RHOA: variants seen among roughly 807,000 people sequenced by gnomAD.
RHOA encodes the protein transforming protein RhoA.
RHOA carries 3 observed loss-of-function variants against 17.5 expected under a neutral mutation model. That is an observed-to-expected ratio of 0.17 (90% CI 0.08 to 0.44). The LOEUF is 0.44. Among genes scored for constraint, RHOA ranks in the 20% least tolerant of loss-of-function variants. The pLI, the probability that RHOA is intolerant of heterozygous loss-of-function variation, is 0.99. For synonymous variants in RHOA, 98 were observed against 88.4 expected (o/e 1.11, Z -0.61); for missense variants, 56 against 242.3 (o/e 0.23, Z 5.10).
intron 2 of RHOA, among the ~76,000 whole-genome samples, chr3:49,369,460 C>T (rs935324364): frequency 2.0e-5 from 3 of 151,624 alleles, no homozygotes; most frequent in Non-Finnish European, 2.9e-5. Context: ...TGGCCAGGCG[C>T]GGTGGCTCAT....
In RHOA at chr3:49,411,851, GCGCCGGGGA is replaced by G. The variant is rs1047404009; in HGVS notation, c.-43_-35del. The G allele has an allele frequency of 6.6e-6, 1 of 152,106 alleles. No individual in the cohort carries two copies. The highest frequency in any genetic ancestry group is 1.5e-5 in the Non-Finnish European group (1 of 68,038). 9.4% of individuals were successfully genotyped at this position (152,106 alleles called of 1,614,324 possible). ...CAACGAATCCGAGTCCAGCCTCTTC[GCGCCGGGGA>G]CGCCGGTCCGCGAGTCGCAAACTCG... On this transcript the variant is annotated 5_prime_UTR_variant, in exon 1 of 5. Transcript: ENST00000418115.
chr3:49,362,004 A>G (rs1201334084), intron 4 of RHOA, among the ~76,000 whole-genome samples: 2 of 152,034 alleles, frequency 1.3e-5, no homozygotes, highest in Middle Eastern at 6.8e-3. Context: ...CCTGGCCAAC[A>G]GGGTGAAACC....
chr3:49,397,410 C>T (rs746796540), intron 1 of RHOA, among the ~76,000 whole-genome samples: 11 of 152,050 alleles, frequency 7.2e-5, no homozygotes, highest in Non-Finnish European at 1.5e-4. Context: ...ACGTAAAACT[C>T]TGTGAATATA....
chr3:49,368,707 CTTT>C (rs374609508), intron 2 of RHOA, among the ~76,000 whole-genome samples, 159 bp from the exon 3 acceptor site: 2 of 130,310 alleles, frequency 1.5e-5, no homozygotes, highest in Admixed American at 7.7e-5. Flanking sequence ...TTTCTTTTTT[CTTT>C]TTTTTTTTTT....
chr3:49,364,853 T>C (rs1239582113), intron 3 of RHOA, among the ~76,000 whole-genome samples: 2 of 151,462 alleles, frequency 1.3e-5, no homozygotes, highest in Non-Finnish European at 2.9e-5. Flanking sequence ...ATGCCTGTAA[T>C]CCCAGCTACT....
intron 1 of RHOA, among the ~76,000 whole-genome samples, chr3:49,376,370 G>A (rs191475974): frequency 9.2e-5 from 14 of 151,884 alleles, no homozygotes; most frequent in Middle Eastern, 3.4e-3. Flanking sequence ...TGAGCCAGGC[G>A]CAGTGGCTCA....
chr3:49,403,064 G>A (rs548734173), intron 1 of RHOA, among the ~76,000 whole-genome samples: 82 of 148,500 alleles, frequency 5.5e-4, no homozygotes, highest in African/African-American at 1.9e-3. Context: ...GAAACCCGCC[G>A]AGCGCGGTGG....
intron 1 of RHOA, among the ~76,000 whole-genome samples, chr3:49,402,295 G>A (rs1205569862): frequency 6.6e-6 from 1 of 152,012 alleles, no homozygotes; most frequent in Non-Finnish European, 1.5e-5. Context: ...AAAGAAAAAT[G>A]AACCATTAGG....
chr3:49,363,055 T>C (rs988889829), intron 3 of RHOA, among the ~76,000 whole-genome samples: 12 of 152,188 alleles, frequency 7.9e-5, no homozygotes, highest in Admixed American at 7.2e-4. Flanking sequence ...CATGTTCTTT[T>C]TCTAACTTGT....
chr3:49,388,218 G>T (rs1390662876), intron 1 of RHOA, among the ~76,000 whole-genome samples: 2 of 151,570 alleles, frequency 1.3e-5, no homozygotes, highest in African/African-American at 4.8e-5. Context: ...ACGGGGTTTT[G>T]CCATGTTGCC....
At chr3:49,378,950 T>C (rs534537242) in intron 1 of RHOA, among the ~76,000 whole-genome samples, 5 of 152,130 alleles carry the variant, frequency 3.3e-5, no homozygotes, top group African/African-American at 1.2e-4. Context: ...AATTCAATAA[T>C]AAAAAGACAA....
intron 1 of RHOA, among the ~76,000 whole-genome samples, chr3:49,396,580 G>A (rs941498894): frequency 3.9e-5 from 6 of 152,130 alleles, no homozygotes; most frequent in South Asian, 2.1e-4. Flanking sequence ...GATGGCACAC[G>A]TCTGTAATCC....
At chr3:49,395,039 G>C (rs1266009354) in intron 1 of RHOA, among the ~76,000 whole-genome samples, 2 of 151,904 alleles carry the variant, frequency 1.3e-5, no homozygotes, top group Non-Finnish European at 2.9e-5. Context: ...CACGAGGTCA[G>C]GAGATCGAGA....
intron 1 of RHOA, among the ~76,000 whole-genome samples, chr3:49,389,028 G>A (rs1283906746): frequency 2.6e-5 from 4 of 152,126 alleles, no homozygotes; most frequent in Admixed American, 2.0e-4. Context: ...GAAATATCCA[G>A]AATAGGTAAA....
intron 1 of RHOA, among the ~76,000 whole-genome samples, chr3:49,380,226 T>C (rs894144203): frequency 6.6e-6 from 1 of 152,140 alleles, no homozygotes; most frequent in East Asian, 1.9e-4. Flanking sequence ...ATGAATGCCA[T>C]ACCGTGGGGC....
chr3:49,399,116 T>C (rs1289120078), intron 1 of RHOA, among the ~76,000 whole-genome samples: 1 of 127,172 alleles, frequency 7.9e-6, no homozygotes, highest in Non-Finnish European at 1.6e-5. Context: ...ATGCCTGTAA[T>C]CCCAGCACTC....
chr3:49,363,536 G>C (rs1265344187), intron 3 of RHOA, among the ~76,000 whole-genome samples: 1 of 151,832 alleles, frequency 6.6e-6, no homozygotes, highest in South Asian at 2.1e-4. Context: ...AGGAGCTCAA[G>C]AACAGCCTAT....
chr3:49,363,547 G>A (rs1273344089), intron 3 of RHOA, among the ~76,000 whole-genome samples: 4 of 151,786 alleles, frequency 2.6e-5, no homozygotes, highest in Non-Finnish European at 5.9e-5. Context: ...AACAGCCTAT[G>A]CAACATGGCT....
At chr3:49,398,079 G>A (rs1575278426) in intron 1 of RHOA, among the ~76,000 whole-genome samples, 1 of 152,282 alleles carries the variant, frequency 6.6e-6, no homozygotes, top group African/African-American at 2.4e-5. Context: ...GTAGGATTTA[G>A]GCTAGGCGTG....
Sources: allele counts gnomAD v4.1 joint callset (sites outside exome capture counted in the v4.1 genomes callset), GRCh38; gene constraint gnomAD v4.1.1; transcripts MANE v1.5; gene names NCBI Gene and HGNC (gene_info 2026-07-23, HGNC 2026-07-21).